The following PRELID2 variants were observed in gnomAD, a reference collection of about 807,000 sequenced individuals.
The protein encoded by PRELID2 is PRELI domain containing 2, also known as PRELI domain-containing protein 2.
Under a neutral mutation model 28.4 loss-of-function variants are expected in PRELID2, and 25 were observed. The observed-to-expected ratio is 0.88, with a 90% CI of 0.64 to 1.23. The LOEUF is 1.23. PRELID2 is among the 50% of genes most tolerant of loss of function. The pLI is 0.00. For missense variants in PRELID2, 201 were observed against 214.4 expected (o/e 0.94, Z 0.39); for synonymous variants, 76 against 71.6 (o/e 1.06, Z -0.31).
chr5:145,266,427 CAT>C, the PRELID2 span, among the ~76,000 whole-genome samples: 37 of 149,700 alleles, frequency 2.5e-4, no homozygotes, highest in Middle Eastern at 3.5e-3. Flanking sequence ...GACCAACAAA[CAT>C]GTGAAAAAAT....
chr5:145,626,754 C>T (rs1753851242), intron 1 of PRELID2, among the ~76,000 whole-genome samples: 1 of 152,058 alleles, frequency 6.6e-6, no homozygotes, highest in African/African-American at 2.4e-5. Context: ...TTCACAATAG[C>T]AAAGTCATGG....
the PRELID2 span, among the ~76,000 whole-genome samples, chr5:145,394,597 G>A: frequency 6.6e-6 from 1 of 152,020 alleles, no homozygotes; most frequent in African/African-American, 2.4e-5. Flanking sequence ...ATAAAATAAA[G>A]TAAAATAAAT....
chr5:145,619,887 A>G (rs911166852), intron 1 of PRELID2, among the ~76,000 whole-genome samples: 1 of 152,210 alleles, frequency 6.6e-6, no homozygotes, highest in Non-Finnish European at 1.5e-5. Flanking sequence ...AATAATAGAG[A>G]AATTCCAGCT....
intron 1 of PRELID2, among the ~76,000 whole-genome samples, chr5:145,679,213 T>C (rs1193801788): frequency 6.7e-6 from 1 of 149,970 alleles, no homozygotes; most frequent in Non-Finnish European, 1.5e-5. Context: ...ATGTTCCCTA[T>C]TCCCCTTGGG....
At chr5:145,697,878 C>A (rs985751224) in intron 1 of PRELID2, among the ~76,000 whole-genome samples, 1 of 151,980 alleles carries the variant, frequency 6.6e-6, no homozygotes, top group Non-Finnish European at 1.5e-5. Flanking sequence ...GAAGCTGTTT[C>A]GATTTCAGCT....
chr5:145,349,017 G>T, the PRELID2 span, among the ~76,000 whole-genome samples: 1 of 151,986 alleles, frequency 6.6e-6, no homozygotes, highest in African/African-American at 2.4e-5. Context: ...TTGTAAATCT[G>T]GGTGCACATA....
chr5:145,718,038 T>C (rs1028784714), intron 1 of PRELID2, among the ~76,000 whole-genome samples: 2 of 152,002 alleles, frequency 1.3e-5, no homozygotes, highest in African/African-American at 2.4e-5. Flanking sequence ...TTGAAGTTCG[T>C]GGAAAGCAAA....
chr5:145,664,831 C>A (rs1003613056), intron 1 of PRELID2, among the ~76,000 whole-genome samples: 4 of 152,050 alleles, frequency 2.6e-5, no homozygotes, highest in Non-Finnish European at 5.9e-5. Flanking sequence ...TGGACTCCTG[C>A]TACAAGGAAT....
At chr5:145,621,056 C>T (rs936860126) in intron 1 of PRELID2, among the ~76,000 whole-genome samples, 2 of 151,952 alleles carry the variant, frequency 1.3e-5, no homozygotes, top group Non-Finnish European at 2.9e-5. Context: ...AAATTGTATC[C>T]AGAATATGTA....
At chr5:145,389,856 G>C in the PRELID2 span, among the ~76,000 whole-genome samples, 1 of 151,640 alleles carries the variant, frequency 6.6e-6, no homozygotes, top group Non-Finnish European at 1.5e-5. Context: ...TACTGAGAAA[G>C]ATAAAAATTT....
chr5:145,409,262 C>A, the PRELID2 span, among the ~76,000 whole-genome samples: 1 of 152,054 alleles, frequency 6.6e-6, no homozygotes, highest in Non-Finnish European at 1.5e-5. Context: ...CAAAATAGAA[C>A]CTCCTTAAAG....
At chr5:145,229,716 A>G in the PRELID2 span, 7 of 756,154 alleles carry the variant, frequency 9.3e-6, no homozygotes, top group African/African-American at 8.5e-5. Context: ...CAAGGTCTTC[A>G]CCACAGACCG....
the PRELID2 span, among the ~76,000 whole-genome samples, chr5:145,243,306 C>G: frequency 6.6e-6 from 1 of 151,898 alleles, no homozygotes; most frequent in Non-Finnish European, 1.5e-5. Flanking sequence ...CAGCAGAAAA[C>G]AGATTTCACC....
At chr5:145,246,717 C>T in the PRELID2 span, among the ~76,000 whole-genome samples, 1 of 152,046 alleles carries the variant, frequency 6.6e-6, no homozygotes, top group African/African-American at 2.4e-5. Flanking sequence ...ACGGAAACTG[C>T]CTTTGCAAAA....
At chr5:145,739,127 A>C (rs1756578607) in intron 1 of PRELID2, among the ~76,000 whole-genome samples, 1 of 152,186 alleles carries the variant, frequency 6.6e-6, no homozygotes, top group South Asian at 2.1e-4. Context: ...AGATGATGAA[A>C]AACTGAAAAA....
chr5:145,371,834 T>C, the PRELID2 span, among the ~76,000 whole-genome samples: 139 of 151,722 alleles, frequency 9.2e-4, 2 homozygotes, highest in East Asian at 0.026. Context: ...TCTATTTGAT[T>C]CTTCTCTCTT....
At chr5:145,706,460 T>G (rs1755549938) in intron 1 of PRELID2, among the ~76,000 whole-genome samples, 1 of 151,814 alleles carries the variant, frequency 6.6e-6, no homozygotes, top group African/African-American at 2.4e-5. Context: ...TAGAAGGGAG[T>G]TCAAGGGAGC....
chr5:145,635,812 T>C (rs1256265769), intron 1 of PRELID2, among the ~76,000 whole-genome samples: 6 of 152,216 alleles, frequency 3.9e-5, no homozygotes, highest in Admixed American at 3.3e-4. Context: ...CTGTTAATGA[T>C]CTTTTACCAA....
intron 1 of PRELID2, among the ~76,000 whole-genome samples, chr5:145,650,599 T>A (rs1232791991): frequency 7.0e-6 from 1 of 142,236 alleles, no homozygotes; most frequent in Non-Finnish European, 1.5e-5. Context: ...TTTTTTAATT[T>A]GGTTAAAATC....
Sources: gnomAD v4.1 joint callset for allele counts (sites outside exome capture counted in the v4.1 genomes callset) on GRCh38, gnomAD v4.1.1 for gene constraint, MANE v1.5 for transcripts, NCBI Gene and HGNC (gene_info 2026-07-23, HGNC 2026-07-21) for gene names.